The following HS3ST5 variants were observed in gnomAD, a reference collection of about 807,000 sequenced individuals.
HS3ST5 encodes the protein heparan sulfate glucosamine 3-O-sulfotransferase 5.
HS3ST5 carries 10 observed loss-of-function variants against 25.4 expected under a neutral mutation model. That is an observed-to-expected ratio of 0.39 (90% confidence interval 0.24 to 0.67). The LOEUF is 0.67. HS3ST5 is among the 30% of genes least tolerant of loss of function. HS3ST5 has a pLI of 0.44. For missense variants in HS3ST5, 324 were observed against 420.7 expected (o/e 0.77, Z 2.01); for synonymous variants, 170 against 162.4 (o/e 1.05, Z -0.36).
chr6:114,093,353 T>TTGTGTGTGTGTGTG (rs60927880), intron 3 of HS3ST5, among the ~76,000 whole-genome samples: 5 of 134,330 alleles, frequency 3.7e-5, no homozygotes, highest in African/African-American at 1.1e-4. Context: ...GTTTGTTTGT[T>TTGTGTGTGTGTGTG]TGTGTGTGTG....
chr6:114,198,112 G>C (rs1780848204), intron 2 of HS3ST5, among the ~76,000 whole-genome samples: 1 of 151,976 alleles, frequency 6.6e-6, no homozygotes, highest in Non-Finnish European at 1.5e-5. Context: ...TTTTGGAATT[G>C]AAAAGTTCAC....
At chr6:114,255,809 C>T (rs990252872) in intron 1 of HS3ST5, among the ~76,000 whole-genome samples, 2 of 152,142 alleles carry the variant, frequency 1.3e-5, no homozygotes, top group South Asian at 4.1e-4. Context: ...GGCACCAAGT[C>T]TCTAGGCTGC....
intron 3 of HS3ST5, among the ~76,000 whole-genome samples, chr6:114,092,591 A>G (rs1289409195): frequency 6.6e-6 from 1 of 152,188 alleles, no homozygotes; most frequent in African/African-American, 2.4e-5. Flanking sequence ...ACAGAAAAAT[A>G]GAAATAAAAA....
At chr6:114,108,206 G>T (rs1208520603) in intron 3 of HS3ST5, among the ~76,000 whole-genome samples, 1 of 152,128 alleles carries the variant, frequency 6.6e-6, no homozygotes, top group Admixed American at 6.6e-5. Context: ...CAGGGGTAAA[G>T]AGAACTCTAC....
intron 3 of HS3ST5, among the ~76,000 whole-genome samples, chr6:114,091,547 C>T (rs1973731): frequency 6.6e-6 from 1 of 151,504 alleles, no homozygotes. Context: ...AGCTGGGCAT[C>T]GTGGTGGGCA....
intron 3 of HS3ST5, among the ~76,000 whole-genome samples, chr6:114,082,375 T>C (rs1186481833): frequency 6.6e-6 from 1 of 152,218 alleles, no homozygotes; most frequent in Non-Finnish European, 1.5e-5. Flanking sequence ...GACTTTCTTT[T>C]TCTTAACTGG....
At chr6:114,302,818 C>T (rs1228774173) in intron 1 of HS3ST5, among the ~76,000 whole-genome samples, 1 of 152,074 alleles carries the variant, frequency 6.6e-6, no homozygotes, top group East Asian at 1.9e-4. Flanking sequence ...TTATGACAAT[C>T]CTTTCTCAAT....
chr6:114,302,073 A>G (rs1229421432), intron 1 of HS3ST5, among the ~76,000 whole-genome samples: 1 of 152,208 alleles, frequency 6.6e-6, no homozygotes, highest in Non-Finnish European at 1.5e-5. Context: ...AAATATTTGA[A>G]GTTACCCAGA....
intron 1 of HS3ST5, among the ~76,000 whole-genome samples, chr6:114,256,222 A>G (rs1772907570): frequency 1.3e-5 from 2 of 152,036 alleles, no homozygotes; most frequent in South Asian, 4.2e-4. Flanking sequence ...CCTCGTCTCT[A>G]CTAAAAACAC....
chr6:114,129,889 G>C (rs1777243456), intron 3 of HS3ST5, among the ~76,000 whole-genome samples: 1 of 152,192 alleles, frequency 6.6e-6, no homozygotes, highest in Non-Finnish European at 1.5e-5. Flanking sequence ...TTGATGTTTA[G>C]ATCTGTGATA....
chr6:114,166,565 TA>T (rs1156595346), intron 3 of HS3ST5, among the ~76,000 whole-genome samples: 2 of 152,186 alleles, frequency 1.3e-5, no homozygotes, highest in African/African-American at 4.8e-5. Flanking sequence ...CCTAAAATGT[TA>T]TTTTTTTATA....
chr6:114,208,516 G>A (rs1377707050), intron 2 of HS3ST5, among the ~76,000 whole-genome samples: 2 of 152,090 alleles, frequency 1.3e-5, no homozygotes, highest in Admixed American at 6.6e-5. Context: ...TCCTAGCTGG[G>A]GGAGAATAGT....
Position 114,127,861 on chromosome 6 carries a change from G to T in HS3ST5, c.-33+40490C>A, listed in dbSNP as rs552170877. Among the ~76,000 whole-genome samples, 776 of 149,680 alleles carry T rather than the reference G, an allele frequency of 5.2e-3. 6 individuals are homozygous for T. Among genetic ancestry groups the T allele is most frequent in the East Asian group, 0.019 (99 of 5,138 alleles). On this transcript the variant is annotated intron_variant, in intron 3 of 4. Coordinates refer to ENST00000312719, the MANE Select transcript of HS3ST5 (RefSeq NM_153612.4). ...ACAAATATATATATATATATAGAGA[G>T]AGAGAGAGAGAGACTTATATATAGA...
At chr6:114,311,284 A>T (rs1480730516) in intron 1 of HS3ST5, among the ~76,000 whole-genome samples, 5 of 152,170 alleles carry the variant, frequency 3.3e-5, no homozygotes, top group Non-Finnish European at 7.4e-5. Context: ...TAAGGAAAAG[A>T]ATGATATTTA....
At chr6:114,205,765 A>C (rs1450290562) in intron 2 of HS3ST5, among the ~76,000 whole-genome samples, 2 of 152,120 alleles carry the variant, frequency 1.3e-5, no homozygotes, top group African/African-American at 2.4e-5. Context: ...TCTACTTCAG[A>C]TCATCAGGCA....
chr6:114,081,639 T>C (rs1774455054), intron 3 of HS3ST5, among the ~76,000 whole-genome samples: 1 of 152,194 alleles, frequency 6.6e-6, no homozygotes. Flanking sequence ...GCTTGAATAA[T>C]TTCTGAGAAT....
intron 3 of HS3ST5, among the ~76,000 whole-genome samples, chr6:114,138,961 A>G (rs549852875): frequency 1.5e-3 from 232 of 152,182 alleles, no homozygotes; most frequent in Non-Finnish European, 2.6e-3. Flanking sequence ...TTGTAAAGCT[A>G]CAGATCCCAT....
chr6:114,238,584 T>G (rs1315913009), intron 1 of HS3ST5, among the ~76,000 whole-genome samples: 1 of 152,178 alleles, frequency 6.6e-6, no homozygotes, highest in Non-Finnish European at 1.5e-5. Flanking sequence ...ATCACCTGAA[T>G]AGTAAACATT....
At chr6:114,093,025 T>C (rs299405) in intron 3 of HS3ST5, among the ~76,000 whole-genome samples, 131,992 of 152,098 alleles carry the variant, frequency 0.87, 57,445 homozygotes, top group Non-Finnish European at 0.9. Flanking sequence ...TTCTTATAAC[T>C]CCATGAGACT....
Sources: allele counts gnomAD v4.1 joint callset (sites outside exome capture counted in the v4.1 genomes callset), GRCh38; gene constraint gnomAD v4.1.1; transcripts MANE v1.5; gene names NCBI Gene and HGNC (gene_info 2026-07-23, HGNC 2026-07-21).